Variants in TPO observed in about 807,000 individuals in gnomAD.
TPO encodes thyroid microsomal antigen.
A neutral mutation model predicts 96.9 loss-of-function variants in TPO; 78 were observed. That is an observed-to-expected ratio of 0.81 (90% CI 0.67 to 0.97). The LOEUF (loss-of-function observed/expected upper bound fraction) is 0.97, where lower values mean the gene tolerates loss of function less well. Ranked by LOEUF, TPO falls within the 50% of genes least tolerant of loss-of-function variation. The pLI is 0.00. For missense variants in TPO, 1,252 were observed against 1,274.8 expected, an observed-to-expected ratio of 0.98 and a Z score of 0.27; for synonymous variants, 547 against 538.0, an observed-to-expected ratio of 1.02 and a Z score of -0.23.
chr2:1,481,740 C>T (rs372322677), intron 8 of TPO, among the ~76,000 whole-genome samples: 4 of 152,346 alleles, frequency 2.6e-5, no homozygotes, highest in South Asian at 2.1e-4. Flanking sequence ...AAGGGCCGTT[C>T]CTGCAGTGGG....
intron 6 of TPO, among the ~76,000 whole-genome samples, chr2:1,455,195 G>A (rs1275381679): frequency 6.6e-6 from 1 of 152,194 alleles, no homozygotes; most frequent in African/African-American, 2.4e-5. Flanking sequence ...GGACACTCGT[G>A]GAGACCCAGG....
chr2:1,433,547 T>C lies in TPO; in HGVS notation c.289T>C (p.Ser97Pro). The C allele has an allele frequency of 6.2e-7, 1 of 1,614,128 alleles. No homozygotes were observed. The highest frequency in any genetic ancestry group is 8.5e-7 in the Non-Finnish European group (1 of 1,180,024). ...CCGAGCAGCAGAGATAATGGAAACA[T>C]CAATACAAGCGATGAAAAGAAAAGT... ...IARAAEIMET[S>P]IQAMKRKVNL... is the part of the protein sequence containing the mutation. The change falls in exon 4 of 17, where the codon TCA becomes CCA. Residue 97 changes from serine (S) to proline (P), a missense_variant. Coordinates refer to ENST00000329066, the MANE Select transcript of TPO (RefSeq NM_001206744.2).
Position 1,393,688 on chromosome 2 carries a change from C to T in TPO, n.180+19286C>T, listed in dbSNP as rs1490258604. On this transcript the variant is annotated intron_variant and non_coding_transcript_variant, in intron 1 of 5. Coordinates refer to the TPO transcript ENST00000497517. Reference sequence around the variant, plus strand: ...GCAGAAATACAACAGAATAGATATACAGGAAATAAAAAGAGAGTTCCTAAC... The same window carrying T: ...GCAGAAATACAACAGAATAGATATATAGGAAATAAAAAGAGAGTTCCTAAC... Among the ~76,000 whole-genome samples, 3 of 152,146 alleles carry T rather than the reference C, an allele frequency of 2.0e-5. No homozygotes were observed. The East Asian group carries it at 5.8e-4, about 29-fold the overall frequency.
intron 1 of TPO, among the ~76,000 whole-genome samples, chr2:1,401,903 C>G (rs1303222389): frequency 1.3e-5 from 2 of 152,176 alleles, no homozygotes; most frequent in African/African-American, 2.4e-5. Flanking sequence ...GGTTAGGAGT[C>G]AAAGGGCACT....
chr2:1,532,073 C>A (rs112819257), intron 15 of TPO, among the ~76,000 whole-genome samples: 15,795 of 54,270 alleles, frequency 0.29, 2,725 homozygotes, highest in Non-Finnish European at 0.33. Flanking sequence ...ACTGTGTGCA[C>A]CTTCCTCAAG....
intron 15 of TPO, among the ~76,000 whole-genome samples, chr2:1,530,860 A>C (rs1458433648): frequency 3.3e-4 from 20 of 60,046 alleles, no homozygotes; most frequent in South Asian, 6.5e-4. Context: ...AAATACCCCC[A>C]CTGTGTGCAA....
At chr2:1,537,580 C>T (rs1425928968) in intron 15 of TPO, among the ~76,000 whole-genome samples, 1 of 101,778 alleles carries the variant, frequency 9.8e-6, no homozygotes, top group Non-Finnish European at 2.0e-5. Context: ...TGTTCAACAC[C>T]CCCAAATCCC....
intron 4 of TPO, 105 bp downstream of exon 4, chr2:1,433,712 C>A: frequency 7.4e-7 from 1 of 1,348,238 alleles, no homozygotes; most frequent in Non-Finnish European, 1.0e-6. Context: ...TACTTGAGAC[C>A]AAGCAGGATG....
chr2:1,462,389 A>T (rs2148621987), intron 7 of TPO, among the ~76,000 whole-genome samples: 1 of 152,264 alleles, frequency 6.6e-6, no homozygotes, highest in South Asian at 2.1e-4. Flanking sequence ...TGGAATCACA[A>T]GGAATTGTTA....
Position 1,526,330 on chromosome 2 carries a change from C to T in TPO, c.2618+9348C>T, listed in dbSNP as rs184472601. On this transcript the variant is annotated intron_variant, in intron 15 of 16. Transcript: ENST00000329066. ...CCCCACTGTGAGCAAAACCACAAATCCCCCCAGTGTGTGCAACCTCAATTC... is the reference window on the plus strand; with the variant it reads ...CCCCACTGTGAGCAAAACCACAAATTCCCCCAGTGTGTGCAACCTCAATTC... 1.1e-3 allele frequency among the ~76,000 whole-genome samples: 112 copies of T among 103,526 alleles called. 1 individual carries two copies. In the Middle Eastern group the frequency reaches 0.025, roughly 23 times the overall value. The allele number at this position is 103,526 out of a possible 152,430, so 67.9% of individuals were successfully genotyped here.
Position 1,542,891 on chromosome 2 carries a change from C to T in TPO, c.*417C>T, listed in dbSNP as rs1680908044. On this transcript the variant is annotated 3_prime_UTR_variant, in exon 17 of 17. Transcript: ENST00000329066. The stretch of plus-strand genomic sequence containing the variant: ...CATCACCAGGTGTCCACAGGGCCTA[C>T]ATCTGGCTTCCCTCTTCTCCTGGGA... 2.8e-5 allele frequency: 9 copies of T among 317,360 alleles called. 1 individual carries two copies. The highest frequency in any genetic ancestry group is 2.8e-4 in the South Asian group (9 of 32,668). 19.7% of individuals were successfully genotyped at this position (317,360 alleles called of 1,614,324 possible).
At chr2:1,387,712 G>A (rs1356534401) in intron 1 of TPO, among the ~76,000 whole-genome samples, 2 of 152,324 alleles carry the variant, frequency 1.3e-5, no homozygotes, top group African/African-American at 2.4e-5. Context: ...CTCTCAGCTC[G>A]TCAAAGTCAT....
chr2:1,410,577 T>C (rs1381852482), upstream of TPO, among the ~76,000 whole-genome samples: 2 of 152,196 alleles, frequency 1.3e-5, no homozygotes, highest in African/African-American at 2.4e-5. Flanking sequence ...TTCTCATGCA[T>C]TGATCAAGGT....
intron 1 of TPO, among the ~76,000 whole-genome samples, chr2:1,402,086 G>A (rs998053531): frequency 6.6e-6 from 1 of 152,138 alleles, no homozygotes; most frequent in African/African-American, 2.4e-5. Context: ...AGGATGAAAG[G>A]GCTGACGGTT....
chr2:1,390,989 A>G (rs947463773), intron 1 of TPO, among the ~76,000 whole-genome samples: 1 of 151,914 alleles, frequency 6.6e-6, no homozygotes, highest in South Asian at 2.1e-4. Context: ...TTGCCTGTTC[A>G]CTCTGATGGT....
intron 1 of TPO, among the ~76,000 whole-genome samples, chr2:1,395,224 T>C (rs915958202): frequency 2.6e-5 from 4 of 152,086 alleles, no homozygotes; most frequent in African/African-American, 9.7e-5. Context: ...GCACAGAAGC[T>C]CTGGCATAAC....
intron 2 of TPO, among the ~76,000 whole-genome samples, chr2:1,421,310 T>C (rs771143542): frequency 6.6e-6 from 1 of 152,116 alleles, no homozygotes; most frequent in East Asian, 1.9e-4. Context: ...CCGTGCAAAC[T>C]TCTCTCTTCA....
upstream of TPO, among the ~76,000 whole-genome samples, chr2:1,409,563 C>T (rs976272852): frequency 2.6e-5 from 4 of 152,158 alleles, no homozygotes; most frequent in African/African-American, 9.7e-5. Flanking sequence ...GGCCACAGCA[C>T]AGCAACCAGG....
rs1572064673 is a variant in TPO at position 1,542,079 on chromosome 2, G to A, written c.2749-342G>A. The A allele has an allele frequency of 1.5e-5, 6 of 389,338 alleles. No individual in the cohort carries two copies. In the East Asian group the frequency reaches 2.5e-4, roughly 16 times the overall value. The allele number at this position is 389,338 out of a possible 1,614,324, so 24.1% of individuals were successfully genotyped here. ...CCCTGGGCCCCTAATTAGTCTGACTGACACCAGGGGCAAGGCCAGGCGTTC... is the reference window on the plus strand; with the variant it reads ...CCCTGGGCCCCTAATTAGTCTGACTAACACCAGGGGCAAGGCCAGGCGTTC... On this transcript the variant is annotated intron_variant, in intron 16 of 16. Transcript: ENST00000329066.
Sources: allele counts gnomAD v4.1 joint callset (sites outside exome capture counted in the v4.1 genomes callset), GRCh38; gene constraint gnomAD v4.1.1; transcripts MANE v1.5; gene names NCBI Gene and HGNC (gene_info 2026-07-23, HGNC 2026-07-21).